Variants in EPHA3 observed in about 807,000 individuals in gnomAD.
EPHA3 encodes EPH receptor A3.
In EPHA3, 42 loss-of-function variants were observed where a neutral mutation model predicts 107.1. The observed-to-expected ratio is 0.39, with a 90% confidence interval of 0.31 to 0.51. The LOEUF (loss-of-function observed/expected upper bound fraction) is 0.51, where lower values mean the gene tolerates loss of function less well. EPHA3 is among the 20% of genes least tolerant of loss of function. The pLI is 0.78. For missense variants in EPHA3, 1,183 were observed against 1,211.2 expected (o/e 0.98, Z 0.35); for synonymous variants, 461 against 424.8 (o/e 1.09, Z -1.05).
intron 15 of EPHA3, among the ~76,000 whole-genome samples, chr3:89,469,314 T>A (rs1912966): frequency 0.19 from 29,025 of 152,054 alleles, 3,366 homozygotes; most frequent in Non-Finnish European, 0.25. Flanking sequence ...ACAGAGTATG[T>A]AAATAGAGTC....
At chr3:89,401,860 C>T (rs1435511117) in intron 7 of EPHA3, among the ~76,000 whole-genome samples, 1 of 152,154 alleles carries the variant, frequency 6.6e-6, no homozygotes, top group East Asian at 1.9e-4. Flanking sequence ...GATCCACCCA[C>T]CTCAGCCTCC....
chr3:89,365,855 G>A (rs116500409), intron 5 of EPHA3, among the ~76,000 whole-genome samples: 2,331 of 150,788 alleles, frequency 0.015, 62 homozygotes, highest in African/African-American at 0.053. Flanking sequence ...CTTCACCTGG[G>A]CAGAAATGCA....
intron 2 of EPHA3, among the ~76,000 whole-genome samples, chr3:89,152,175 T>C (rs62274619): frequency 0.1 from 15,358 of 152,112 alleles, 888 homozygotes; most frequent in Admixed American, 0.14. Flanking sequence ...CTTATTAATT[T>C]ATATCCATGT....
intron 3 of EPHA3, among the ~76,000 whole-genome samples, chr3:89,257,335 C>T (rs573784364): frequency 6.6e-6 from 1 of 152,198 alleles, no homozygotes; most frequent in African/African-American, 2.4e-5. Flanking sequence ...AATTCAGTCA[C>T]GTTTAGGTCT....
chr3:89,242,040 C>A (rs1704907766), intron 3 of EPHA3, among the ~76,000 whole-genome samples: 2 of 152,148 alleles, frequency 1.3e-5, no homozygotes, highest in Non-Finnish European at 2.9e-5. Context: ...ATGCTGATCT[C>A]AAACCTAGGT....
At chr3:89,390,492 C>T (rs180794475) in intron 5 of EPHA3, among the ~76,000 whole-genome samples, 109 of 150,358 alleles carry the variant, frequency 7.2e-4, no homozygotes, top group African/African-American at 1.8e-3. Flanking sequence ...CCCAGCTACT[C>T]GGGAGGTTGA....
At chr3:89,357,258 A>G (rs1707986373) in intron 5 of EPHA3, among the ~76,000 whole-genome samples, 1 of 150,588 alleles carries the variant, frequency 6.6e-6, no homozygotes, top group African/African-American at 2.4e-5. Flanking sequence ...AATACACTTT[A>G]CCAAGGCCCA....
At chr3:89,159,412 A>C (rs140542058) in intron 2 of EPHA3, among the ~76,000 whole-genome samples, 10 of 152,188 alleles carry the variant, frequency 6.6e-5, no homozygotes, top group African/African-American at 2.4e-4. Context: ...GGACCACAGC[A>C]AGCACCACCA....
At chr3:89,219,240 C>A (rs1158167991) in intron 3 of EPHA3, among the ~76,000 whole-genome samples, 1 of 151,626 alleles carries the variant, frequency 6.6e-6, no homozygotes, top group Non-Finnish European at 1.5e-5. Flanking sequence ...CTCGGCTCAC[C>A]GCAACCTCCA....
chr3:89,216,653 C>G (rs764183572), intron 3 of EPHA3, among the ~76,000 whole-genome samples: 5 of 151,986 alleles, frequency 3.3e-5, no homozygotes, highest in Admixed American at 6.6e-5. Flanking sequence ...TGTTAAACAA[C>G]TTCTGTTAAA....
chr3:89,176,640 A>T (rs2107109672), intron 2 of EPHA3, among the ~76,000 whole-genome samples: 1 of 152,208 alleles, frequency 6.6e-6, no homozygotes, highest in South Asian at 2.1e-4. Context: ...GCTGTGTGCA[A>T]CCATATTTTG....
intron 11 of EPHA3, among the ~76,000 whole-genome samples, chr3:89,423,130 GAATTATATTGGATGAGATTAATGT>G (rs1156782687): frequency 6.6e-6 from 1 of 151,442 alleles, no homozygotes; most frequent in Non-Finnish European, 1.5e-5. Context: ...GAAATAGAAG[GAATTATATTGGATGAGATTAATGT>G]ATTTTGTCTT....
intron 13 of EPHA3, among the ~76,000 whole-genome samples, chr3:89,446,049 G>A (rs1180009164): frequency 6.6e-6 from 1 of 152,092 alleles, no homozygotes; most frequent in Non-Finnish European, 1.5e-5. Context: ...GAAAATTTAA[G>A]TTTTTCTTAT....
chr3:89,259,035 A>T (rs1288267192), intron 3 of EPHA3, among the ~76,000 whole-genome samples: 1 of 152,210 alleles, frequency 6.6e-6, no homozygotes, highest in Non-Finnish European at 1.5e-5. Context: ...TCTGGTCTTA[A>T]TATATATGGT....
intron 15 of EPHA3, among the ~76,000 whole-genome samples, chr3:89,451,345 A>G (rs997446933): frequency 2.0e-5 from 3 of 152,216 alleles, no homozygotes; most frequent in Non-Finnish European, 2.9e-5. Flanking sequence ...GGGCCATATA[A>G]GAAGAAAATA....
chr3:89,139,030 A>G (rs1331664076), intron 2 of EPHA3, among the ~76,000 whole-genome samples: 6 of 151,850 alleles, frequency 4.0e-5, no homozygotes, highest in Non-Finnish European at 8.8e-5. Context: ...AGAAGTTATT[A>G]TATTTCCCTT....
intron 3 of EPHA3, among the ~76,000 whole-genome samples, chr3:89,286,901 T>G (rs571214171): frequency 6.6e-6 from 1 of 152,264 alleles, no homozygotes; most frequent in South Asian, 2.1e-4. Context: ...CTGCAACATG[T>G]CCTTGTTTTG....
chr3:89,438,275 AT>A (rs894941672), intron 13 of EPHA3, among the ~76,000 whole-genome samples: 33 of 150,388 alleles, frequency 2.2e-4, no homozygotes, highest in African/African-American at 7.8e-4. Flanking sequence ...CACCCGGCTA[AT>A]TTTTTTTTGT....
At chr3:89,290,920 C>T (rs1706194089) in intron 3 of EPHA3, among the ~76,000 whole-genome samples, 1 of 152,042 alleles carries the variant, frequency 6.6e-6, no homozygotes, top group South Asian at 2.1e-4. Flanking sequence ...TTTTTAATGA[C>T]AGATTTATTT....
Sources: gnomAD v4.1 joint callset for allele counts (sites outside exome capture counted in the v4.1 genomes callset) on GRCh38, gnomAD v4.1.1 for gene constraint, MANE v1.5 for transcripts, NCBI Gene and HGNC (gene_info 2026-07-23, HGNC 2026-07-21) for gene names.